RAB4A: variants seen among roughly 807,000 people sequenced by gnomAD.
RAB4A encodes ras-related protein Rab-4A.
RAB4A carries 20 observed loss-of-function variants against 34.5 expected under a neutral mutation model. That is an observed-to-expected ratio of 0.58 (90% CI 0.41 to 0.84). The LOEUF (loss-of-function observed/expected upper bound fraction) is 0.84. RAB4A is among the 40% of genes least tolerant of loss of function. RAB4A has a pLI of 0.00. For synonymous variants in RAB4A, 102 were observed against 100.0 expected, an observed-to-expected ratio of 1.02 and a Z score of -0.12; for missense variants, 228 against 274.5, an observed-to-expected ratio of 0.83 and a Z score of 1.20.
intron 3 of RAB4A, among the ~76,000 whole-genome samples, chr1:229,291,057 C>T (rs1268871439): frequency 6.6e-6 from 1 of 152,092 alleles, no homozygotes; most frequent in Non-Finnish European, 1.5e-5. Flanking sequence ...AAAAAGCAGC[C>T]ACATATAAAG....
At chr1:229,280,516 C>T (rs1194588869) in intron 1 of RAB4A, among the ~76,000 whole-genome samples, 1 of 152,168 alleles carries the variant, frequency 6.6e-6, no homozygotes, top group Admixed American at 6.6e-5. Flanking sequence ...GGGGACTGTG[C>T]ATAGTAAACG....
intron 1 of RAB4A, among the ~76,000 whole-genome samples, chr1:229,273,570 G>T (rs1354933731): frequency 2.0e-5 from 3 of 152,136 alleles, no homozygotes; most frequent in Non-Finnish European, 2.9e-5. Context: ...CGAAACCCCA[G>T]CCCTATTAAA....
At chr1:229,302,523 A>G (rs1428682848) in intron 6 of RAB4A, among the ~76,000 whole-genome samples, 1 of 150,208 alleles carries the variant, frequency 6.7e-6, no homozygotes, top group Non-Finnish European at 1.5e-5. Context: ...GAAAAATTAT[A>G]TCTTTGTAAT....
At chr1:229,294,064 A>G (rs1264768435) in intron 3 of RAB4A, among the ~76,000 whole-genome samples, 5 of 152,180 alleles carry the variant, frequency 3.3e-5, no homozygotes, top group African/African-American at 9.7e-5. Context: ...GGAGGTGCAC[A>G]GGAATTGAGG....
intron 1 of RAB4A, among the ~76,000 whole-genome samples, chr1:229,284,064 G>C (rs1656853461): frequency 6.7e-6 from 1 of 148,802 alleles, no homozygotes; most frequent in Non-Finnish European, 1.5e-5. Flanking sequence ...TCTTTTCTAG[G>C]GTGGTTTTTT....
chr1:229,290,177 A>G (rs919309545), intron 3 of RAB4A, among the ~76,000 whole-genome samples: 1 of 152,230 alleles, frequency 6.6e-6, no homozygotes, highest in African/African-American at 2.4e-5. Flanking sequence ...ATCAGGTTCT[A>G]CAGGAGGTAG....
rs191095868 is a variant in RAB4A, at chr1:229,280,891, C to T, written c.32-5595C>T. Among the ~76,000 whole-genome samples, 20 of 152,200 alleles carry T rather than the reference C, an allele frequency of 1.3e-4. No homozygotes were observed. In the East Asian group the frequency reaches 3.1e-3, roughly 23 times the overall value. On this transcript the variant is annotated intron_variant, in intron 1 of 7. Transcript: ENST00000366690. ...TGGAATCTTGCAGTTGCAATTTTTT[C>T]GGATTGACTTTTTCACTCAGTATAA...
chr1:229,273,199 T>G (rs1656543071), intron 1 of RAB4A, among the ~76,000 whole-genome samples: 1 of 152,182 alleles, frequency 6.6e-6, no homozygotes, highest in African/African-American at 2.4e-5. Context: ...GATAGAGCTT[T>G]TATGTTTCAT....
At chr1:229,299,597 A>C (rs1009851114) in intron 6 of RAB4A, among the ~76,000 whole-genome samples, 1 of 152,210 alleles carries the variant, frequency 6.6e-6, no homozygotes, top group Non-Finnish European at 1.5e-5. Context: ...TATTAAAATA[A>C]TTTAAAATAA....
chr1:229,281,907 T>A (rs1466565877), intron 1 of RAB4A, among the ~76,000 whole-genome samples: 1 of 150,838 alleles, frequency 6.6e-6, no homozygotes, highest in Non-Finnish European at 1.5e-5. Context: ...AAATATTTCC[T>A]TTACATATTT....
chr1:229,282,565 C>T (rs237754), intron 1 of RAB4A, among the ~76,000 whole-genome samples: 2,935 of 152,284 alleles, frequency 0.019, 91 homozygotes, highest in African/African-American at 0.066. Flanking sequence ...ACTCCAGTGA[C>T]ATGAATGTTA....
chr1:229,302,970 G>A lies in RAB4A; in HGVS notation c.650G>A (p.Gly217Asp). 1 of 1,613,500 alleles carries A rather than the reference G, an allele frequency of 6.2e-7. No homozygotes were observed. The highest frequency in any genetic ancestry group is 8.5e-7 in the Non-Finnish European group (1 of 1,179,582). Residue 217 changes from glycine to aspartate, a missense_variant, in exon 7 of 8, where the codon GGT (glycine) becomes GAT (aspartate). Coordinates refer to ENST00000366690, the MANE Select transcript of RAB4A (RefSeq NM_004578.4). ...CAGGCCCCGAACGCTCAGGAGTGTG[G>A]TTGTTAGGAGAGCACACAGGTGGGT... ...RAQAPNAQEC[G>D]C
Position 229,298,969 on chromosome 1 carries a change from C to T in RAB4A, c.446-8C>T. 1 of 1,596,362 alleles carries T rather than the reference C, an allele frequency of 6.3e-7. No homozygotes were observed. The highest frequency in any genetic ancestry group is 2.2e-5 in the East Asian group (1 of 44,652). Reference sequence around the variant, plus strand: ...ACATGACTTTATTTTGTTTGATGTCCATTTTAGAGCTGATGTTTTTGGAAA... The same window carrying T: ...ACATGACTTTATTTTGTTTGATGTCTATTTTAGAGCTGATGTTTTTGGAAA... On this transcript the variant is annotated splice_polypyrimidine_tract_variant and splice_region_variant and intron_variant, in intron 5 of 7. Transcript: ENST00000366690.
At chr1:229,287,257 T>TCTA (rs908519919) in intron 2 of RAB4A, among the ~76,000 whole-genome samples, 1 of 152,136 alleles carries the variant, frequency 6.6e-6, no homozygotes, top group South Asian at 2.1e-4. Flanking sequence ...GCATGGTAGG[T>TCTA]GGTGGGTAAA....
At chr1:229,286,387 A>T (rs1656924254) in intron 1 of RAB4A, 99 bp from the exon 2 acceptor site, 1 of 701,910 alleles carries the variant, frequency 1.4e-6, no homozygotes, top group Admixed American at 3.5e-5. Flanking sequence ...TTTTCCTGTT[A>T]TATTAACAAC....
intron 1 of RAB4A, among the ~76,000 whole-genome samples, chr1:229,272,495 A>T (rs477180): frequency 0.013 from 2,004 of 152,278 alleles, 48 homozygotes; most frequent in African/African-American, 0.045. Context: ...TATTAATCCA[A>T]TTGTGATACT....
chr1:229,271,279 C>G lies in RAB4A; in HGVS notation c.-61C>G. ...CCCCAGGTCCTTCCCCACCGAGACG[C>G]GCCGGCGGACCGCGGGCGAGTGCAG... On this transcript the variant is annotated 5_prime_UTR_variant, in exon 1 of 8. Transcript: ENST00000366690. The G allele has an allele frequency of 7.6e-7, 1 of 1,323,266 alleles. No homozygotes were observed. The highest frequency in any genetic ancestry group is 9.7e-7 in the Non-Finnish European group (1 of 1,035,448). 82.0% of individuals were successfully genotyped at this position (1,323,266 alleles called of 1,614,324 possible). A position where few individuals can be genotyped will look rare whatever the true frequency, so the allele number is the denominator to read the frequency against.
intron 1 of RAB4A, among the ~76,000 whole-genome samples, chr1:229,277,041 TTATA>T (rs976361914): frequency 3.4e-5 from 5 of 146,586 alleles, no homozygotes; most frequent in African/African-American, 5.0e-5. Context: ...TATTTACAAT[TTATA>T]TATAATTATT....
At chr1:229,277,285 GACA>G (rs979313319) in intron 1 of RAB4A, among the ~76,000 whole-genome samples, 5 of 150,972 alleles carry the variant, frequency 3.3e-5, no homozygotes, top group Admixed American at 2.6e-4. Context: ...CCGCTGTGCC[GACA>G]ACGTTTAATT....
Sources: gnomAD v4.1 joint callset for allele counts (sites outside exome capture counted in the v4.1 genomes callset) on GRCh38, gnomAD v4.1.1 for gene constraint, MANE v1.5 for transcripts, NCBI Gene and HGNC (gene_info 2026-07-23, HGNC 2026-07-21) for gene names.